Variants in RYR3 observed in about 807,000 individuals in gnomAD.
RYR3 encodes the protein brain ryanodine receptor-calcium release channel.
A neutral mutation model predicts 584.3 loss-of-function variants in RYR3; 207 were observed. The observed-to-expected ratio is 0.35, with a 90% CI of 0.32 to 0.40. RYR3 has a LOEUF of 0.40. Ranked by LOEUF, RYR3 falls within the 10% of genes least tolerant of loss-of-function variation. The pLI is 1.00. For missense variants in RYR3, 5,616 were observed against 6,089.2 expected (o/e 0.92, Z 2.59); for synonymous variants, 2,416 against 2,248.5 (o/e 1.07, Z -2.11).
At chr15:33,344,708 C>T (rs536553029) in intron 1 of RYR3, among the ~76,000 whole-genome samples, 40 of 152,076 alleles carry the variant, frequency 2.6e-4, no homozygotes, top group African/African-American at 5.1e-4. Flanking sequence ...ATTGAGAAGA[C>T]GGTTTCTTAA....
At position 33,849,716 on chromosome 15, in the gene RYR3, G is replaced by A. The variant is rs541387822; in HGVS notation, c.13628+1295G>A. On this transcript the variant is annotated intron_variant, in intron 94 of 103. Transcript: ENST00000634891. ...ATTAAGATAGGCATGTTAAGAAACA[G>A]CAACCCTGACTCCAGGGGAAGAAAG... The A allele has an allele frequency of 2.6e-5, 4 of 152,356 alleles. No individual in the cohort carries two copies. In the South Asian group the frequency reaches 8.3e-4, roughly 32 times the overall value. The allele number at this position is 152,356 out of a possible 1,614,324, so 9.4% of individuals were successfully genotyped here. A position where few individuals can be genotyped will look rare whatever the true frequency, so the allele number is the denominator to read the frequency against.
intron 48 of RYR3, among the ~76,000 whole-genome samples, chr15:33,732,214 T>C (rs1304760202): frequency 6.8e-6 from 1 of 146,294 alleles, no homozygotes; most frequent in Non-Finnish European, 1.5e-5. Context: ...ACCCCATCTC[T>C]ACTAAAAATA....
intron 48 of RYR3, among the ~76,000 whole-genome samples, chr15:33,735,512 T>C (rs1315915816): frequency 1.3e-5 from 2 of 152,224 alleles, no homozygotes; most frequent in Admixed American, 6.5e-5. Context: ...TGAACTTATA[T>C]ACCAAATTGT....
At chr15:33,531,455 T>C (rs1459819798) in intron 4 of RYR3, among the ~76,000 whole-genome samples, 1 of 152,058 alleles carries the variant, frequency 6.6e-6, no homozygotes, top group Non-Finnish European at 1.5e-5. Flanking sequence ...TCACTTTCTT[T>C]CGGTGTAAGA....
chr15:33,839,062 T>A (rs879315976), intron 89 of RYR3, 104 bp downstream of exon 89: 13 of 1,370,158 alleles, frequency 9.5e-6, no homozygotes, highest in Non-Finnish European at 1.3e-5. Context: ...GCCAACACTC[T>A]ATGTTAGACA....
At chr15:33,572,790 C>T (rs1051275077) in intron 12 of RYR3, among the ~76,000 whole-genome samples, 1 of 151,914 alleles carries the variant, frequency 6.6e-6, no homozygotes, top group Admixed American at 6.6e-5. Context: ...GCCTGACCAA[C>T]ATGGAGAAAC....
chr15:33,702,154 G>A (rs778882156), intron 42 of RYR3, among the ~76,000 whole-genome samples: 3 of 152,182 alleles, frequency 2.0e-5, no homozygotes, highest in Non-Finnish European at 4.4e-5. Context: ...CGGTTAGTCA[G>A]TGGCACAGCC....
intron 60 of RYR3, 191 bp downstream of exon 60, chr15:33,757,787 G>T: frequency 1.6e-6 from 1 of 622,372 alleles, no homozygotes; most frequent in Non-Finnish European, 2.8e-6. Context: ...GAGGTATACT[G>T]TGTGGGAGTA....
chr15:33,814,392 A>G (rs2076697574), intron 74 of RYR3, among the ~76,000 whole-genome samples: 1 of 152,382 alleles, frequency 6.6e-6, no homozygotes, highest in South Asian at 2.1e-4. Context: ...TCACTTGCTC[A>G]GGGAAATTAA....
intron 87 of RYR3, among the ~76,000 whole-genome samples, chr15:33,835,901 G>A (rs2078012873): frequency 6.6e-6 from 1 of 152,154 alleles, no homozygotes; most frequent in Non-Finnish European, 1.5e-5. Flanking sequence ...CCTCACCAGT[G>A]ACTTTTGGAA....
intron 12 of RYR3, among the ~76,000 whole-genome samples, chr15:33,569,855 C>CATTTTATCA (rs75135532): frequency 0.41 from 62,061 of 151,482 alleles, 13,749 homozygotes; most frequent in South Asian, 0.57. Flanking sequence ...TGATACTGGA[C>CATTTTATCA]ATTTTATCAT....
chr15:33,597,831 CA>C (rs34933584), intron 16 of RYR3, among the ~76,000 whole-genome samples: 4 of 150,906 alleles, frequency 2.7e-5, no homozygotes, highest in African/African-American at 9.8e-5. Flanking sequence ...TCTGTACACA[CA>C]AAAAAATACA....
intron 2 of RYR3, among the ~76,000 whole-genome samples, chr15:33,480,515 A>G (rs1225288970): frequency 6.6e-6 from 1 of 152,218 alleles, no homozygotes; most frequent in Non-Finnish European, 1.5e-5. Context: ...GTACTGAATT[A>G]ACTAATTGAA....
intron 12 of RYR3, among the ~76,000 whole-genome samples, chr15:33,570,438 A>G (rs961817897): frequency 1.5e-4 from 23 of 152,174 alleles, no homozygotes; most frequent in African/African-American, 5.5e-4. Context: ...CCATTGATCT[A>G]TATGCCTGTC....
chr15:33,383,710 C>A (rs2041366903), intron 1 of RYR3, among the ~76,000 whole-genome samples: 1 of 152,154 alleles, frequency 6.6e-6, no homozygotes, highest in Non-Finnish European at 1.5e-5. Flanking sequence ...CCACCCTCCC[C>A]CATCTAGCAG....
At chr15:33,700,491 C>A (rs1023143764) in intron 41 of RYR3, among the ~76,000 whole-genome samples, 5 of 152,178 alleles carry the variant, frequency 3.3e-5, no homozygotes, top group African/African-American at 1.2e-4. Flanking sequence ...GGCTACTAAC[C>A]TTTTTGTAAA....
chr15:33,746,035 C>T, intron 52 of RYR3, 33 bp from the exon 53 acceptor site: 1 of 1,455,436 alleles, frequency 6.9e-7, no homozygotes, highest in South Asian at 1.2e-5. Context: ...TCTTTGCGTG[C>T]CAAGGATATT....
At chr15:33,674,958 A>T (rs2064078997) in intron 38 of RYR3, among the ~76,000 whole-genome samples, 1 of 152,120 alleles carries the variant, frequency 6.6e-6, no homozygotes, top group Non-Finnish European at 1.5e-5. Context: ...AACATCTTGA[A>T]AAATCCAGTG....
chr15:33,658,226 A>C (rs966144323), intron 32 of RYR3, among the ~76,000 whole-genome samples: 1 of 152,180 alleles, frequency 6.6e-6, no homozygotes, highest in Non-Finnish European at 1.5e-5. Flanking sequence ...TTCCATGCTT[A>C]CGTGCTTGTT....
Sources: gnomAD v4.1 joint callset for allele counts (sites outside exome capture counted in the v4.1 genomes callset) on GRCh38, gnomAD v4.1.1 for gene constraint, MANE v1.5 for transcripts, NCBI Gene and HGNC (gene_info 2026-07-23, HGNC 2026-07-21) for gene names.